FAM171A1: variants seen among roughly 807,000 people sequenced by gnomAD.
The protein encoded by FAM171A1 is protein FAM171A1.
A neutral mutation model predicts 74.9 loss-of-function variants in FAM171A1; 23 were observed. The ratio of observed to expected loss-of-function variants is 0.31; its 90% confidence interval spans 0.22 to 0.44. FAM171A1 has a LOEUF of 0.44. Ranked by LOEUF, FAM171A1 falls within the 20% of genes least tolerant of loss-of-function variation. The pLI is 1.00. For missense variants in FAM171A1, 1,162 were observed against 1,159.2 expected (o/e 1.00, Z -0.03); for synonymous variants, 527 against 505.7 (o/e 1.04, Z -0.57).
rs1301545449 is a variant in FAM171A1 at position 15,248,617 on chromosome 10, T to A, written c.754+22A>T. On this transcript the variant is annotated intron_variant, in intron 5 of 7. Coordinates refer to ENST00000378116, the MANE Select transcript of FAM171A1 (RefSeq NM_001010924.2). Reference sequence around the variant, plus strand: ...AACGAAGCCATCTGGTAGCCGATTGTCGGCACAGAACTCTTGCTTACCCAG... The same window carrying A: ...AACGAAGCCATCTGGTAGCCGATTGACGGCACAGAACTCTTGCTTACCCAG... 2.6e-6 allele frequency: 4 copies of A among 1,567,904 alleles called. No individual in the cohort carries two copies. The African/African-American group carries it at 5.5e-5, about 21-fold the overall frequency.
intron 1 of FAM171A1, among the ~76,000 whole-genome samples, chr10:15,363,989 A>G (rs1347834578): frequency 7.2e-6 from 1 of 138,436 alleles, no homozygotes; most frequent in African/African-American, 2.7e-5. Context: ...GAGAAATCTC[A>G]GAGGGGCCAT....
rs1425151435 is a variant in FAM171A1, at chr10:15,224,593, T to A, written c.755-3533A>T. Among the ~76,000 whole-genome samples, 3 of 152,070 alleles carry A rather than the reference T, an allele frequency of 2.0e-5. No homozygotes were observed. The South Asian group carries it at 6.2e-4, about 32-fold the overall frequency. On this transcript the variant is annotated intron_variant, in intron 5 of 7. Coordinates refer to ENST00000378116, the MANE Select transcript of FAM171A1 (RefSeq NM_001010924.2). ...GAGATAACTGAATCATGGCGGCAGG[T>A]CTTTCCTGTGCTGTTCTTGTGATAG... is the stretch of plus-strand genomic sequence containing the variant.
intron 5 of FAM171A1, among the ~76,000 whole-genome samples, chr10:15,233,532 G>GTGTGTC (rs1165553167): frequency 2.4e-4 from 36 of 151,168 alleles, no homozygotes; most frequent in African/African-American, 8.7e-4. Context: ...GTGTGTGTGT[G>GTGTGTC]TGTGTGTGTG....
intron 2 of FAM171A1, among the ~76,000 whole-genome samples, chr10:15,282,602 T>A (rs1383591592): frequency 2.0e-5 from 3 of 152,230 alleles, no homozygotes; most frequent in African/African-American, 7.2e-5. Context: ...TGATGGGCTT[T>A]GTGTAGCTGT....
chr10:15,290,004 C>T (rs1000035516), intron 1 of FAM171A1, among the ~76,000 whole-genome samples: 1 of 152,150 alleles, frequency 6.6e-6, no homozygotes, highest in African/African-American at 2.4e-5. Context: ...CCGAGGCGGG[C>T]GGGTCACGAG....
intron 5 of FAM171A1, among the ~76,000 whole-genome samples, chr10:15,246,887 C>T (rs988668324): frequency 3.0e-4 from 46 of 152,324 alleles, no homozygotes; most frequent in African/African-American, 4.1e-4. Flanking sequence ...AGAGGCCCCA[C>T]GCTGCCAAGA....
chr10:15,368,916 G>A (rs1333644906), intron 1 of FAM171A1, among the ~76,000 whole-genome samples: 1 of 152,136 alleles, frequency 6.6e-6, no homozygotes, highest in Non-Finnish European at 1.5e-5. Flanking sequence ...AAATCCAAAT[G>A]CCAGGTAGTG....
intron 1 of FAM171A1, among the ~76,000 whole-genome samples, chr10:15,303,447 T>C (rs1233035681): frequency 2.0e-5 from 3 of 152,140 alleles, no homozygotes; most frequent in Non-Finnish European, 4.4e-5. Flanking sequence ...CTAGAATGGT[T>C]CTTAGTTCGT....
rs1250185038 is a variant in FAM171A1 at position 15,253,688 on chromosome 10, ATGCAGTGAGT to A, written c.577+1023_577+1032del. The stretch of plus-strand genomic sequence containing the variant: ...AATTCAAGCCAAGTATCCCTGGGAA[ATGCAGTGAGT>A]TACTCTCCTAGCAGAATGCAACTCA... On this transcript the variant is annotated intron_variant, in intron 4 of 7. Coordinates refer to ENST00000378116, the MANE Select transcript of FAM171A1 (RefSeq NM_001010924.2). Among the ~76,000 whole-genome samples, 3 of 152,344 alleles carry A rather than the reference ATGCAGTGAGT, an allele frequency of 2.0e-5. No homozygotes were observed. In the East Asian group the frequency reaches 5.8e-4, roughly 29 times the overall value.
chr10:15,316,371 C>A (rs897730822), intron 1 of FAM171A1, among the ~76,000 whole-genome samples: 28 of 152,340 alleles, frequency 1.8e-4, no homozygotes, highest in Non-Finnish European at 3.2e-4. Flanking sequence ...CCAGGCCATT[C>A]CTGCTGCGTG....
intron 1 of FAM171A1, among the ~76,000 whole-genome samples, chr10:15,369,608 G>A (rs1836109492): frequency 6.6e-6 from 1 of 152,208 alleles, no homozygotes; most frequent in Non-Finnish European, 1.5e-5. Context: ...ACCAGGAAAT[G>A]ATACTGCAAG....
At chr10:15,266,429 A>G (rs1035260821) in intron 3 of FAM171A1, among the ~76,000 whole-genome samples, 9 of 152,106 alleles carry the variant, frequency 5.9e-5, no homozygotes, top group Non-Finnish European at 1.3e-4. Flanking sequence ...GATGTTCAGG[A>G]AAGACCTTCC....
intron 5 of FAM171A1, among the ~76,000 whole-genome samples, chr10:15,232,835 T>C (rs1834224963): frequency 6.6e-6 from 1 of 152,228 alleles, no homozygotes; most frequent in African/African-American, 2.4e-5. Context: ...GGATGTCCCA[T>C]GAGTGTGGGA....
chr10:15,307,385 C>T (rs917418512), intron 1 of FAM171A1, among the ~76,000 whole-genome samples: 1 of 152,048 alleles, frequency 6.6e-6, no homozygotes, highest in Non-Finnish European at 1.5e-5. Flanking sequence ...TGGCTCACAC[C>T]TGTAATCACT....
intron 5 of FAM171A1, chr10:15,240,634 G>C: frequency 1.2e-6 from 1 of 868,698 alleles, no homozygotes. Context: ...GGGTTTGAAA[G>C]AGAGCATCTC....
At chr10:15,286,534 G>C (rs182415911) in intron 1 of FAM171A1, among the ~76,000 whole-genome samples, 2 of 151,994 alleles carry the variant, frequency 1.3e-5, no homozygotes, top group African/African-American at 4.8e-5. Context: ...CACCCACCTC[G>C]GGCTCCCAAA....
intron 1 of FAM171A1, among the ~76,000 whole-genome samples, chr10:15,331,081 G>T (rs540995678): frequency 2.0e-5 from 3 of 152,124 alleles, no homozygotes; most frequent in Admixed American, 1.3e-4. Flanking sequence ...GTAGAAACAG[G>T]GTTTCACTAT....
chr10:15,217,019 A>G (rs1473332986), intron 6 of FAM171A1, among the ~76,000 whole-genome samples: 5 of 152,194 alleles, frequency 3.3e-5, no homozygotes, highest in Non-Finnish European at 7.4e-5. Flanking sequence ...AATGATATCC[A>G]TCTTTAAAAA....
chr10:15,341,979 C>T (rs986525256), intron 1 of FAM171A1, among the ~76,000 whole-genome samples: 4 of 152,162 alleles, frequency 2.6e-5, no homozygotes, highest in African/African-American at 9.7e-5. Context: ...CATCAGAATC[C>T]CAGAGTTTAT....
Sources: gnomAD v4.1 joint callset for allele counts (sites outside exome capture counted in the v4.1 genomes callset) on GRCh38, gnomAD v4.1.1 for gene constraint, MANE v1.5 for transcripts, NCBI Gene and HGNC (gene_info 2026-07-23, HGNC 2026-07-21) for gene names.